Variants in STT3B observed in about 807,000 individuals in gnomAD.
The protein encoded by STT3B is STT3 oligosaccharyltransferase complex catalytic subunit B.
A neutral mutation model predicts 96.8 loss-of-function variants in STT3B; 29 were observed. The observed-to-expected ratio is 0.30, with a 90% CI of 0.22 to 0.41. STT3B has a LOEUF of 0.41. Ranked by LOEUF, STT3B falls within the 10% of genes least tolerant of loss-of-function variation. STT3B has a pLI of 1.00. For synonymous variants in STT3B, 367 were observed against 360.0 expected (o/e 1.02, Z -0.22); for missense variants, 640 against 1,022.3 (o/e 0.63, Z 5.10).
chr3:31,546,352 C>G (rs1697413548), intron 1 of STT3B, among the ~76,000 whole-genome samples: 2 of 152,132 alleles, frequency 1.3e-5, no homozygotes, highest in Admixed American at 6.5e-5. Context: ...TTTGGGATGC[C>G]TGGACAGCTG....
chr3:31,598,991 G>A (rs1575433847), intron 4 of STT3B, among the ~76,000 whole-genome samples: 2 of 152,026 alleles, frequency 1.3e-5, no homozygotes, highest in East Asian at 1.9e-4. Context: ...TGTATTTTTA[G>A]TAGAGACAGG....
intron 13 of STT3B, among the ~76,000 whole-genome samples, chr3:31,627,816 A>G (rs966142603): frequency 6.6e-6 from 1 of 152,212 alleles, no homozygotes; most frequent in Non-Finnish European, 1.5e-5. Context: ...CTGTTTCTAA[A>G]TGTATGCTTT....
chr3:31,543,014 C>T, intron 1 of STT3B, among the ~76,000 whole-genome samples: 1 of 134,596 alleles, frequency 7.4e-6, no homozygotes, highest in African/African-American at 2.7e-5. Flanking sequence ...TGCAGTGAGC[C>T]GAGATTGCGC....
At chr3:31,631,978 C>T (rs62234758) in intron 14 of STT3B, among the ~76,000 whole-genome samples, 25,305 of 151,938 alleles carry the variant, frequency 0.17, 2,361 homozygotes, top group East Asian at 0.26. Flanking sequence ...ACCTCAGCCT[C>T]CTGAGTAGCT....
At chr3:31,595,120 T>A (rs1250725323) in intron 3 of STT3B, among the ~76,000 whole-genome samples, 1 of 152,334 alleles carries the variant, frequency 6.6e-6, no homozygotes, top group East Asian at 1.9e-4. Context: ...GTTCAGATTC[T>A]TCTTGGCCTC....
At position 31,581,187 on chromosome 3, in the gene STT3B, AG is replaced by A. The variant is rs912512863; in HGVS notation, c.711+1092del. Among the ~76,000 whole-genome samples, 22 of 152,138 alleles carry A rather than the reference AG, an allele frequency of 1.4e-4. 2 individuals are homozygous for A. Among genetic ancestry groups the A allele is most frequent in the Admixed American group, 1.2e-3 (19 of 15,274 alleles). On this transcript the variant is annotated intron_variant, in intron 3 of 15. Coordinates refer to ENST00000295770, the MANE Select transcript of STT3B (RefSeq NM_178862.3). Reference sequence around the variant, plus strand: ...TATAAAGAAAGTATAAAAATGTGATAGATAAGCTGCATGTACGCCAGCTTTG... The same window carrying A: ...TATAAAGAAAGTATAAAAATGTGATAATAAGCTGCATGTACGCCAGCTTTG...
intron 1 of STT3B, among the ~76,000 whole-genome samples, chr3:31,572,036 ATGATATAT>A (rs1698161584): frequency 7.4e-4 from 34 of 45,706 alleles, no homozygotes; most frequent in African/African-American, 1.3e-3. Flanking sequence ...ATATTAATAT[ATGATATAT>A]TAATATATCA....
intron 8 of STT3B, among the ~76,000 whole-genome samples, chr3:31,618,964 A>G (rs987079278): frequency 5.9e-5 from 9 of 152,066 alleles, no homozygotes; most frequent in Admixed American, 5.2e-4. Context: ...CAGTTATATT[A>G]TAAAGTAGTC....
intron 1 of STT3B, among the ~76,000 whole-genome samples, chr3:31,565,652 T>G (rs1430559158): frequency 6.6e-6 from 1 of 152,236 alleles, no homozygotes; most frequent in African/African-American, 2.4e-5. Flanking sequence ...GCTTTGTTTC[T>G]TTGTGATAGT....
At chr3:31,585,200 G>C (rs1386315315) in intron 3 of STT3B, among the ~76,000 whole-genome samples, 2 of 152,122 alleles carry the variant, frequency 1.3e-5, no homozygotes, top group Non-Finnish European at 1.5e-5. Flanking sequence ...TTTTGGATTT[G>C]TGTTCTACAG....
At chr3:31,592,690 G>A (rs755816533) in intron 3 of STT3B, among the ~76,000 whole-genome samples, 6 of 152,114 alleles carry the variant, frequency 3.9e-5, no homozygotes, top group African/African-American at 1.2e-4. Flanking sequence ...TAGTAATGTT[G>A]AGCATATTTT....
intron 1 of STT3B, among the ~76,000 whole-genome samples, chr3:31,564,822 A>G (rs1180377974): frequency 6.6e-6 from 1 of 152,218 alleles, no homozygotes; most frequent in Non-Finnish European, 1.5e-5. Context: ...GAAGAGAAAC[A>G]ATCATACTTT....
At chr3:31,634,585 G>A (rs914134725) in intron 15 of STT3B, among the ~76,000 whole-genome samples, 1 of 152,026 alleles carries the variant, frequency 6.6e-6, no homozygotes, top group Non-Finnish European at 1.5e-5. Context: ...CTCTATCCTG[G>A]TTTTGACTTT....
chr3:31,614,919 A>G (rs1398999370), intron 5 of STT3B, among the ~76,000 whole-genome samples, 186 bp from the exon 6 acceptor site: 1 of 151,956 alleles, frequency 6.6e-6, no homozygotes, highest in Non-Finnish European at 1.5e-5. Context: ...ATTTTTGAAA[A>G]ATGGATAGAA....
At chr3:31,580,390 C>T (rs548444386) in intron 3 of STT3B, among the ~76,000 whole-genome samples, 40 of 152,136 alleles carry the variant, frequency 2.6e-4, no homozygotes, top group African/African-American at 9.6e-4. Context: ...GAAATAGTTA[C>T]CCAGGAAAGT....
At chr3:31,549,767 A>G (rs75618680) in intron 1 of STT3B, among the ~76,000 whole-genome samples, 2,358 of 152,136 alleles carry the variant, frequency 0.015, 74 homozygotes, top group African/African-American at 0.051. Context: ...TTTATTGGAG[A>G]TTTGTTTCTA....
intron 14 of STT3B, among the ~76,000 whole-genome samples, chr3:31,630,966 G>T (rs1015506123): frequency 9.2e-5 from 14 of 151,814 alleles, no homozygotes; most frequent in African/African-American, 3.1e-4. Context: ...CTGGCTAATT[G>T]TTTGTATTTT....
At chr3:31,542,959 G>C (rs536750443) in intron 1 of STT3B, among the ~76,000 whole-genome samples, 1 of 151,584 alleles carries the variant, frequency 6.6e-6, no homozygotes, top group East Asian at 1.9e-4. Flanking sequence ...CCAGCTGCTC[G>C]AGAGGCTGGG....
intron 1 of STT3B, among the ~76,000 whole-genome samples, chr3:31,567,479 G>A (rs1212127234): frequency 1.3e-5 from 2 of 152,148 alleles, no homozygotes; most frequent in African/African-American, 4.8e-5. Context: ...TGTGGGACAT[G>A]TTTGTCGCTC....
Sources: gnomAD v4.1 joint callset for allele counts (sites outside exome capture counted in the v4.1 genomes callset) on GRCh38, gnomAD v4.1.1 for gene constraint, MANE v1.5 for transcripts, NCBI Gene and HGNC (gene_info 2026-07-23, HGNC 2026-07-21) for gene names.